The following NEGR1 variants were observed in gnomAD, a reference collection of about 807,000 sequenced individuals.
NEGR1 encodes neuronal growth regulator 1.
Under a neutral mutation model 40.9 loss-of-function variants are expected in NEGR1, and 10 were observed. That is an observed-to-expected ratio of 0.24 (90% CI 0.15 to 0.42). The LOEUF (loss-of-function observed/expected upper bound fraction) is 0.42, where lower values mean the gene tolerates loss of function less well. NEGR1 is among the 10% of genes least tolerant of loss of function. The pLI, the probability that NEGR1 is intolerant of heterozygous loss-of-function variation, is 1.00. For synonymous variants in NEGR1, 185 were observed against 166.8 expected (o/e 1.11, Z -0.84); for missense variants, 352 against 438.9 (o/e 0.80, Z 1.77).
intron 1 of NEGR1, among the ~76,000 whole-genome samples, chr1:72,258,746 T>A (rs1557601940): frequency 6.6e-6 from 1 of 152,148 alleles, no homozygotes; most frequent in African/African-American, 2.4e-5. Context: ...TGAAAACTAA[T>A]CTATTTATAA....
At chr1:71,724,569 CT>C (rs1654612806) in intron 3 of NEGR1, among the ~76,000 whole-genome samples, 1 of 151,982 alleles carries the variant, frequency 6.6e-6, no homozygotes, top group Admixed American at 6.6e-5. Flanking sequence ...TTGATAGATG[CT>C]TTTGTATTCT....
chr1:71,614,004 A>C (rs1650359095), intron 4 of NEGR1, among the ~76,000 whole-genome samples: 2 of 152,086 alleles, frequency 1.3e-5, no homozygotes, highest in South Asian at 4.2e-4. Flanking sequence ...CAACTAAAAA[A>C]ATACCCTAGG....
At chr1:71,798,427 G>A (rs1657419607) in intron 2 of NEGR1, among the ~76,000 whole-genome samples, 1 of 152,052 alleles carries the variant, frequency 6.6e-6, no homozygotes. Flanking sequence ...AAGACATTAG[G>A]TGACAATAAA....
intron 2 of NEGR1, among the ~76,000 whole-genome samples, chr1:71,836,760 A>AC (rs1659047802): frequency 6.6e-6 from 1 of 152,028 alleles, no homozygotes; most frequent in African/African-American, 2.4e-5. Context: ...ACAAAACCTA[A>AC]CCATGATTCC....
At chr1:71,996,640 G>T (rs193185331) in intron 1 of NEGR1, among the ~76,000 whole-genome samples, 149 of 152,124 alleles carry the variant, frequency 9.8e-4, no homozygotes, top group Admixed American at 9.3e-3. Flanking sequence ...ATATGATCTT[G>T]ATCCCATTCC....
chr1:72,176,203 G>A (rs1268984477), intron 1 of NEGR1, among the ~76,000 whole-genome samples: 6 of 152,002 alleles, frequency 3.9e-5, no homozygotes, highest in East Asian at 3.9e-4. Context: ...AGAATTTTAT[G>A]CAAAATTTTG....
At chr1:72,103,611 T>G (rs1649025009) in intron 1 of NEGR1, among the ~76,000 whole-genome samples, 1 of 152,120 alleles carries the variant, frequency 6.6e-6, no homozygotes, top group African/African-American at 2.4e-5. Flanking sequence ...TGGATTTAAT[T>G]TTGTGTTAAG....
intron 1 of NEGR1, among the ~76,000 whole-genome samples, chr1:72,178,522 G>A (rs1652252304): frequency 6.6e-6 from 1 of 151,558 alleles, no homozygotes; most frequent in Admixed American, 6.6e-5. Flanking sequence ...GCCTTTTACA[G>A]CTCTTAATGC....
intron 1 of NEGR1, among the ~76,000 whole-genome samples, chr1:72,018,396 G>T (rs567059218): frequency 3.7e-4 from 57 of 152,244 alleles, no homozygotes; most frequent in African/African-American, 1.3e-3. Flanking sequence ...AACTACCAGT[G>T]CCTAGGATTC....
At chr1:71,754,042 G>T (rs1655653133) in intron 3 of NEGR1, among the ~76,000 whole-genome samples, 1 of 151,252 alleles carries the variant, frequency 6.6e-6, no homozygotes, top group South Asian at 2.1e-4. Flanking sequence ...CAATGGAACA[G>T]AACTAAGAGA....
rs553554621 is a variant in NEGR1 at position 71,696,977 on chromosome 1, A to G, written c.667+1031T>C. On this transcript the variant is annotated intron_variant, in intron 4 of 6. Coordinates refer to ENST00000357731, the MANE Select transcript of NEGR1 (RefSeq NM_173808.3). The stretch of plus-strand genomic sequence containing the variant: ...CCCTAAGTATATAGATTAGTCACTG[A>G]CAAATGTTAGTTGATGACAGTGATT... Among the ~76,000 whole-genome samples, 12 of 151,956 alleles carry G rather than the reference A, an allele frequency of 7.9e-5. No individual in the cohort carries two copies. In the South Asian group the frequency reaches 2.5e-3, roughly 31 times the overall value.
chr1:71,916,509 T>C (rs1344204060), intron 2 of NEGR1, among the ~76,000 whole-genome samples: 1 of 152,074 alleles, frequency 6.6e-6, no homozygotes, highest in African/African-American at 2.4e-5. Context: ...TCGCAACACT[T>C]TGGGAGGCCG....
intron 2 of NEGR1, among the ~76,000 whole-genome samples, chr1:71,900,176 T>C (rs941765557): frequency 7.2e-5 from 11 of 152,156 alleles, no homozygotes; most frequent in African/African-American, 2.2e-4. Flanking sequence ...ACATGATAAA[T>C]GCGAGGAGAT....
chr1:71,923,907 C>CT (rs201877249), intron 2 of NEGR1, among the ~76,000 whole-genome samples: 50 of 147,914 alleles, frequency 3.4e-4, no homozygotes, highest in African/African-American at 4.2e-4. Context: ...TAGGCACTTT[C>CT]TTTTTTTTTT....
intron 1 of NEGR1, among the ~76,000 whole-genome samples, chr1:72,275,740 A>G (rs1393915943): frequency 6.6e-6 from 1 of 152,156 alleles, no homozygotes; most frequent in East Asian, 1.9e-4. Flanking sequence ...TGAGCCAGAC[A>G]CAAACATAAG....
At chr1:72,100,285 C>T (rs1648883980) in intron 1 of NEGR1, among the ~76,000 whole-genome samples, 1 of 152,146 alleles carries the variant, frequency 6.6e-6, no homozygotes, top group Admixed American at 6.5e-5. Flanking sequence ...ATACTAGCCC[C>T]TGCTGAGAAA....
chr1:71,878,024 G>T (rs1259146611), intron 2 of NEGR1, among the ~76,000 whole-genome samples: 1 of 152,090 alleles, frequency 6.6e-6, no homozygotes, highest in Non-Finnish European at 1.5e-5. Context: ...ACTAAAGTTA[G>T]AAATGACTTC....
intron 1 of NEGR1, among the ~76,000 whole-genome samples, chr1:72,151,545 T>C (rs928504688): frequency 6.6e-6 from 1 of 151,644 alleles, no homozygotes; most frequent in Non-Finnish European, 1.5e-5. Flanking sequence ...TTAAAAACCC[T>C]TTAAAGTTAA....
chr1:72,069,602 T>C (rs2821266), intron 1 of NEGR1, among the ~76,000 whole-genome samples: 89,280 of 151,932 alleles, frequency 0.59, 26,636 homozygotes, highest in African/African-American at 0.69. Context: ...CATGCACACA[T>C]AGAACACATG....
Sources: gnomAD v4.1 joint callset for allele counts (sites outside exome capture counted in the v4.1 genomes callset) on GRCh38, gnomAD v4.1.1 for gene constraint, MANE v1.5 for transcripts, NCBI Gene and HGNC (gene_info 2026-07-23, HGNC 2026-07-21) for gene names.